Variants in TEKT1 observed in about 807,000 individuals in gnomAD.
TEKT1 encodes the protein tektin-1.
A neutral mutation model predicts 34.8 loss-of-function variants in TEKT1; 32 were observed. The ratio of observed to expected loss-of-function variants is 0.92; its 90% CI spans 0.69 to 1.23. The LOEUF is 1.23. Ranked by LOEUF, TEKT1 falls within the 50% of genes most tolerant of loss-of-function variation. The pLI, the probability that TEKT1 is intolerant of heterozygous loss-of-function variation, is 0.00. For missense variants in TEKT1, 492 were observed against 518.5 expected (o/e 0.95, Z 0.50); for synonymous variants, 207 against 199.8 (o/e 1.04, Z -0.30).
At chr17:6,809,618 C>A (rs1432407543) in intron 6 of TEKT1, among the ~76,000 whole-genome samples, 3 of 152,190 alleles carry the variant, frequency 2.0e-5, no homozygotes, top group Non-Finnish European at 4.4e-5. Context: ...TAGAACACCC[C>A]TGGGCTGCTT....
Position 6,799,952 on chromosome 17 carries a change from C to A in TEKT1, c.*75G>T. 2 of 1,439,090 alleles carry A rather than the reference C, an allele frequency of 1.4e-6. No homozygotes were observed. The highest frequency in any genetic ancestry group is 1.8e-6 in the Non-Finnish European group (2 of 1,082,888). 89.1% of individuals were successfully genotyped at this position (1,439,090 alleles called of 1,614,324 possible). A position where few individuals can be genotyped will look rare whatever the true frequency, so the allele number is the denominator to read the frequency against. On this transcript the variant is annotated 3_prime_UTR_variant, in exon 8 of 8. Coordinates refer to ENST00000338694, the MANE Select transcript of TEKT1 (RefSeq NM_053285.2). ...CAGGCTGGCTAGAGGCCCCGCCAGCCTGAAATGAGAGCTCTGTACTACTGT... is the reference window on the plus strand; with the variant it reads ...CAGGCTGGCTAGAGGCCCCGCCAGCATGAAATGAGAGCTCTGTACTACTGT...
intron 2 of TEKT1, 70 bp from the exon 3 acceptor site, chr17:6,819,428 T>C (rs1977056715): frequency 6.7e-6 from 10 of 1,486,172 alleles, no homozygotes; most frequent in Non-Finnish European, 9.0e-6. Flanking sequence ...ATTAGAAACT[T>C]GAAGACTGTT....
Position 6,812,937 on chromosome 17 carries a change from G to A in TEKT1, c.746C>T (p.Thr249Ile), listed in dbSNP as rs142630501. The change falls in exon 6 of 8, where the codon ACA becomes ATA. Residue 249 changes from threonine (T) to isoleucine (I), a missense_variant. Thr to Ile is a moderately conservative substitution (Grantham distance 89, BLOSUM62 -1). Transcript: ENST00000338694. ...KALVDRILSQ[T>I]ANDLRKQCDV... Reference sequence around the variant, plus strand: ...ACACTGCTTGCGCAGATCATTGGCTGTCTGGGACAGGATTCGATCCACCAG... The same window carrying A: ...ACACTGCTTGCGCAGATCATTGGCTATCTGGGACAGGATTCGATCCACCAG... 45 of 1,614,126 alleles carry A rather than the reference G, an allele frequency of 2.8e-5. No homozygotes were observed. The highest frequency in any genetic ancestry group is 3.6e-5 in the Non-Finnish European group (43 of 1,180,042).
chr17:6,826,774 C>A (rs540375866), intron 2 of TEKT1, among the ~76,000 whole-genome samples: 1 of 151,568 alleles, frequency 6.6e-6, no homozygotes, highest in East Asian at 1.9e-4. Context: ...CACGTCACTG[C>A]AAGTTCCGCC....
chr17:6,800,934 C>T lies in TEKT1; in HGVS notation c.862G>A (p.Glu288Lys), dbSNP rs1384987828. The change falls in exon 7 of 8, where the codon GAG becomes AAG. Residue 288 changes from glutamate (E) to lysine (K), a missense_variant. Transcript: ENST00000338694. ...LADHLAKVME[E>K]IASQEKNITA... ...ATATTTTTCTCCTGGGAAGCAATCT[C>T]TTCCATGACCTTACAAAAAGGATTA... 6.2e-7 allele frequency: 1 copy of T among 1,612,518 alleles called. No individual in the cohort carries two copies. The highest frequency in any genetic ancestry group is 2.2e-5 in the East Asian group (1 of 44,864).
At chr17:6,813,796 G>T (rs1976961202) in intron 5 of TEKT1, among the ~76,000 whole-genome samples, 1 of 152,068 alleles carries the variant, frequency 6.6e-6, no homozygotes, top group Non-Finnish European at 1.5e-5. Context: ...CTCTGAGATG[G>T]CACTTAGTGA....
At chr17:6,824,483 A>C (rs1904342291) in intron 2 of TEKT1, among the ~76,000 whole-genome samples, 2 of 152,084 alleles carry the variant, frequency 1.3e-5, no homozygotes, top group Admixed American at 1.3e-4. Flanking sequence ...TGTCCCACTC[A>C]TCCTGCCTTT....
Position 6,800,893 on chromosome 17 carries a change from CT to C in TEKT1, c.902del (p.Lys301ArgfsTer37), listed in dbSNP as rs767489869. 2.3e-5 allele frequency: 37 copies of C among 1,614,096 alleles called. No homozygotes were observed. Among genetic ancestry groups the C allele is most frequent in the Non-Finnish European group, 3.1e-5 (36 of 1,179,992 alleles). The part of the protein sequence containing the change: ...SQEKNITALE[K>X]AILDQEGPAK... ...CTGGCCCTTCTTGGTCAAGGATGGCCTTTTCAAGAGCTGTAATATTTTTCTC... is the reference window on the plus strand; with the variant it reads ...CTGGCCCTTCTTGGTCAAGGATGGCCTTTCAAGAGCTGTAATATTTTTCTC... On this transcript the variant is annotated frameshift_variant, in exon 7 of 8. Coordinates refer to ENST00000338694, the MANE Select transcript of TEKT1 (RefSeq NM_053285.2). LOFTEE classifies it high-confidence loss of function.
At chr17:6,827,386 T>G (rs1449797859) in intron 2 of TEKT1, among the ~76,000 whole-genome samples, 1 of 151,160 alleles carries the variant, frequency 6.6e-6, no homozygotes, top group African/African-American at 2.4e-5. Flanking sequence ...CTCAGCCTCC[T>G]GAGTAGCTGG....
chr17:6,804,134 A>G (rs1009531260), intron 6 of TEKT1, among the ~76,000 whole-genome samples: 2 of 151,902 alleles, frequency 1.3e-5, no homozygotes, highest in South Asian at 2.1e-4. Context: ...CTTTTATTTC[A>G]TTGAGCAGTG....
intron 3 of TEKT1, among the ~76,000 whole-genome samples, chr17:6,818,497 C>A (rs118144554): frequency 0.081 from 12,358 of 152,156 alleles, 628 homozygotes; most frequent in Middle Eastern, 0.19. Flanking sequence ...AAAGTGCTTC[C>A]GTGTGGCTCT....
intron 3 of TEKT1, among the ~76,000 whole-genome samples, chr17:6,817,071 A>G (rs962588417): frequency 6.6e-6 from 1 of 152,200 alleles, no homozygotes; most frequent in African/African-American, 2.4e-5. Context: ...TAGACAAACA[A>G]TTGAACATAG....
At position 6,807,998 on chromosome 17, in the gene TEKT1, C is replaced by T. The variant is rs146588958; in HGVS notation, c.852+4833G>A. Among the ~76,000 whole-genome samples, 540 of 152,302 alleles carry T rather than the reference C, an allele frequency of 3.5e-3. 1 individual carries two copies. Among genetic ancestry groups the T allele is most frequent in the Admixed American group, 7.0e-3 (107 of 15,294 alleles). On this transcript the variant is annotated intron_variant, in intron 6 of 7. Coordinates refer to ENST00000338694, the MANE Select transcript of TEKT1 (RefSeq NM_053285.2). ...GAACCACTACTCTCTTCAAAGCTGT[C>T]GGACAGGGACATTTAAGTCTGCAGA... is the stretch of plus-strand genomic sequence containing the variant.
chr17:6,801,016 T>C, intron 6 of TEKT1, 73 bp from the exon 7 acceptor site: 3 of 1,395,774 alleles, frequency 2.1e-6, no homozygotes, highest in Non-Finnish European at 2.9e-6. Context: ...GCAGATGGGT[T>C]GTGATCATGT....
intron 6 of TEKT1, among the ~76,000 whole-genome samples, chr17:6,802,921 G>A (rs181658138): frequency 2.6e-5 from 4 of 152,090 alleles, no homozygotes; most frequent in South Asian, 2.1e-4. Context: ...ATAAACATAC[G>A]TGTGCATGTG....
intron 6 of TEKT1, among the ~76,000 whole-genome samples, chr17:6,802,865 A>G (rs1235527264): frequency 1.3e-5 from 2 of 152,128 alleles, no homozygotes; most frequent in East Asian, 3.8e-4. Flanking sequence ...TCGTTGTTGG[A>G]CATTTGGGTT....
At chr17:6,815,458 A>G in intron 4 of TEKT1, 152 bp from the exon 5 acceptor site, 2 of 876,302 alleles carry the variant, frequency 2.3e-6, no homozygotes, top group Non-Finnish European at 1.8e-6. Flanking sequence ...TCATGCGTAT[A>G]CCATTTGATG....
At chr17:6,812,375 G>A (rs370709078) in intron 6 of TEKT1, among the ~76,000 whole-genome samples, 15 of 152,104 alleles carry the variant, frequency 9.9e-5, no homozygotes, top group Admixed American at 7.9e-4. Flanking sequence ...CAGGAGAAAC[G>A]ACCAGCTAGA....
At chr17:6,830,419 T>C (rs1904545262) in intron 1 of TEKT1, 26 bp from the exon 2 acceptor site, 1 of 1,451,862 alleles carries the variant, frequency 6.9e-7, no homozygotes, top group South Asian at 1.4e-5. Context: ...CTCTTTTAGA[T>C]TAAATGAAAG....
Sources: allele counts gnomAD v4.1 joint callset (sites outside exome capture counted in the v4.1 genomes callset), GRCh38; gene constraint gnomAD v4.1.1; transcripts MANE v1.5; gene names NCBI Gene and HGNC (gene_info 2026-07-23, HGNC 2026-07-21).